The following MBD5 variants were observed in gnomAD, a reference collection of about 807,000 sequenced individuals.
The protein encoded by MBD5 is methyl-CpG-binding domain protein 5.
A neutral mutation model predicts 117.3 loss-of-function variants in MBD5; 13 were observed. The observed-to-expected ratio is 0.11, with a 90% CI of 0.07 to 0.18. The LOEUF (loss-of-function observed/expected upper bound fraction) is 0.18, where lower values mean the gene tolerates loss of function less well. Among genes scored for constraint, MBD5 ranks in the 10% least tolerant of loss-of-function variants. The pLI is 1.00. For synonymous variants in MBD5, 727 were observed against 766.4 expected, an observed-to-expected ratio of 0.95 and a Z score of 0.85; for missense variants, 1,879 against 2,093.8, an observed-to-expected ratio of 0.90 and a Z score of 2.00.
intron 3 of MBD5, among the ~76,000 whole-genome samples, chr2:148,283,291 C>G (rs1701293680): frequency 6.6e-6 from 1 of 152,080 alleles, no homozygotes; most frequent in Non-Finnish European, 1.5e-5. Flanking sequence ...AAGTTATTGG[C>G]TCTCCAATCC....
intron 8 of MBD5, among the ~76,000 whole-genome samples, chr2:148,474,514 G>A (rs1413280369): frequency 6.6e-6 from 1 of 151,822 alleles, no homozygotes; most frequent in East Asian, 1.9e-4. Context: ...TGACTTTTAT[G>A]TTCTCTTATT....
At chr2:148,280,205 T>G (rs996096482) in intron 3 of MBD5, among the ~76,000 whole-genome samples, 2 of 149,550 alleles carry the variant, frequency 1.3e-5, no homozygotes, top group African/African-American at 4.9e-5. Context: ...ATATGTGGAC[T>G]ATATTATTTT....
intron 2 of MBD5, among the ~76,000 whole-genome samples, chr2:148,182,195 A>G (rs1366558494): frequency 1.3e-5 from 2 of 152,200 alleles, no homozygotes; most frequent in African/African-American, 4.8e-5. Flanking sequence ...TACCAGATTA[A>G]GAAAGGTTCT....
At chr2:148,292,030 A>G (rs535466374) in intron 3 of MBD5, among the ~76,000 whole-genome samples, 15 of 152,328 alleles carry the variant, frequency 9.8e-5, no homozygotes, top group Admixed American at 5.2e-4. Flanking sequence ...GAATGAAACT[A>G]GACCCCTATC....
intron 3 of MBD5, among the ~76,000 whole-genome samples, chr2:148,294,507 T>TTTGTTTTG (rs1701595730): frequency 8.1e-6 from 1 of 124,216 alleles, no homozygotes; most frequent in African/African-American, 3.3e-5. Context: ...TACAGTTTTT[T>TTTGTTTTG]TTTTTTTTTT....
chr2:148,120,057 C>T (rs1156357147), intron 1 of MBD5, among the ~76,000 whole-genome samples: 1 of 152,230 alleles, frequency 6.6e-6, no homozygotes, highest in East Asian at 1.9e-4. Context: ...TCTGGGACTA[C>T]AGGCGCACGC....
At chr2:148,499,634 TA>T (rs1681812613) in intron 11 of MBD5, among the ~76,000 whole-genome samples, 1 of 152,228 alleles carries the variant, frequency 6.6e-6, no homozygotes, top group South Asian at 2.1e-4. Context: ...GTAAGTTTTA[TA>T]AAAATATTTG....
intron 2 of MBD5, among the ~76,000 whole-genome samples, chr2:148,182,433 G>A (rs1413357912): frequency 6.6e-6 from 1 of 152,068 alleles, no homozygotes; most frequent in African/African-American, 2.4e-5. Context: ...GTTGTGTTTG[G>A]TTAGCAAATA....
intron 1 of MBD5, among the ~76,000 whole-genome samples, chr2:148,163,272 C>G (rs1161289517): frequency 6.6e-6 from 1 of 152,194 alleles, no homozygotes; most frequent in Non-Finnish European, 1.5e-5. Context: ...TAAGCCTGGA[C>G]TTTAGGCCCA....
chr2:148,453,742 A>G (rs58160324), intron 4 of MBD5, among the ~76,000 whole-genome samples: 6,875 of 151,976 alleles, frequency 0.045, 534 homozygotes, highest in African/African-American at 0.16. Context: ...TAAAATTATA[A>G]AAGTAAACCT....
intron 3 of MBD5, among the ~76,000 whole-genome samples, chr2:148,280,131 C>CAAAAAAAAAAAAAAAAAAAAAAAAAAGAA (rs3076398): frequency 2.2e-5 from 2 of 91,880 alleles, no homozygotes; most frequent in African/African-American, 4.0e-5. Context: ...AAACTAACTG[C>CAAAAAAAAAAAAAAAAAAAAAAAAAAGAA]AAAAAAAAAA....
chr2:148,305,391 T>A (rs1701869528), intron 3 of MBD5, among the ~76,000 whole-genome samples: 1 of 152,210 alleles, frequency 6.6e-6, no homozygotes, highest in South Asian at 2.1e-4. Flanking sequence ...AATCAGGCAT[T>A]TAATGAGTGG....
chr2:148,467,806 G>T (rs1559085038), intron 7 of MBD5, among the ~76,000 whole-genome samples: 1 of 152,092 alleles, frequency 6.6e-6, no homozygotes, highest in East Asian at 1.9e-4. Flanking sequence ...GTTCTGAGAA[G>T]GTTGCAGTAA....
chr2:148,469,292 T>A lies in MBD5; in HGVS notation c.1349T>A (p.Ile450Asn). ...CCCGTGCACATGATGGGGACTGGAA[T>A]TGGAAGGATTGAGGCATCGCCCCAA... Reference protein sequence around the residue: ...TSPVHMMGTGIGRIEASPQRS... With the variant: ...TSPVHMMGTGNGRIEASPQRS... The change falls in exon 8 of 14, where the codon ATT (isoleucine) becomes AAT (asparagine). Residue 450 changes from isoleucine (I) to asparagine (N), a missense_variant. Transcript: ENST00000642680. 6.2e-7 allele frequency: 1 copy of A among 1,613,858 alleles called. No homozygotes were observed. The highest frequency in any genetic ancestry group is 8.5e-7 in the Non-Finnish European group (1 of 1,179,944).
At chr2:148,491,004 G>A (rs1234073190) in intron 11 of MBD5, among the ~76,000 whole-genome samples, 1 of 152,194 alleles carries the variant, frequency 6.6e-6, no homozygotes, top group African/African-American at 2.4e-5. Flanking sequence ...GACCCCCCAG[G>A]CAATGGTTGC....
At chr2:148,323,834 C>T (rs13029717) in intron 3 of MBD5, among the ~76,000 whole-genome samples, 30,845 of 151,950 alleles carry the variant, frequency 0.2, 3,262 homozygotes, top group African/African-American at 0.21. Flanking sequence ...TGTGCAGAAG[C>T]TCTTTAGTTT....
At chr2:148,181,025 T>C (rs1386792307) in intron 2 of MBD5, among the ~76,000 whole-genome samples, 1 of 152,222 alleles carries the variant, frequency 6.6e-6, no homozygotes, top group African/African-American at 2.4e-5. Context: ...CATGTCTATA[T>C]GTCAGCTTCA....
intron 4 of MBD5, among the ~76,000 whole-genome samples, chr2:148,345,532 TATATACAC>T (rs1174536375): frequency 1.1e-5 from 1 of 92,444 alleles, no homozygotes; most frequent in African/African-American, 5.7e-5. Flanking sequence ...CATACATATG[TATATACAC>T]ATATACACAT....
At chr2:148,053,079 C>T (rs1694765833) in intron 1 of MBD5, among the ~76,000 whole-genome samples, 1 of 150,986 alleles carries the variant, frequency 6.6e-6, no homozygotes, top group Non-Finnish European at 1.5e-5. Flanking sequence ...TGCTCATCTT[C>T]TATTTAGATT....
Sources: gnomAD v4.1 joint callset for allele counts (sites outside exome capture counted in the v4.1 genomes callset) on GRCh38, gnomAD v4.1.1 for gene constraint, MANE v1.5 for transcripts, NCBI Gene and HGNC (gene_info 2026-07-23, HGNC 2026-07-21) for gene names.